The following CETN3 variants were observed in gnomAD, a reference collection of about 807,000 sequenced individuals.
CETN3 encodes the protein centrin 3.
A neutral mutation model predicts 20.1 loss-of-function variants in CETN3; 17 were observed. That is an observed-to-expected ratio of 0.85 (90% CI 0.58 to 1.27). The LOEUF (loss-of-function observed/expected upper bound fraction) is 1.27, where lower values mean the gene tolerates loss of function less well. Among genes scored for constraint, CETN3 ranks in the 50% most tolerant of loss-of-function variants. CETN3 has a pLI of 0.00. For missense variants in CETN3, 169 were observed against 191.2 expected (o/e 0.88, Z 0.69); for synonymous variants, 52 against 59.7 (o/e 0.87, Z 0.59).
chr5:90,409,689 C>T lies in CETN3; in HGVS notation c.-28G>A, dbSNP rs1749576308. 3 of 1,614,112 alleles carry T rather than the reference C, an allele frequency of 1.9e-6. No homozygotes were observed. In the East Asian group the frequency reaches 6.7e-5, roughly 36 times the overall value. On this transcript the variant is annotated 5_prime_UTR_variant, in exon 1 of 5. Transcript: ENST00000283122. ...TCTCTTCGCACAGAGACGTTCCTCT[C>T]AAGAACGATTTTAACCCCCTACCCA...
At chr5:90,397,124 G>A (rs1190029108) in intron 4 of CETN3, among the ~76,000 whole-genome samples, 1 of 152,018 alleles carries the variant, frequency 6.6e-6, no homozygotes, top group Non-Finnish European at 1.5e-5. Context: ...AATCCCCTGT[G>A]CTTATCAAGG....
intron 1 of CETN3, among the ~76,000 whole-genome samples, chr5:90,408,692 C>T (rs935583510): frequency 6.6e-6 from 1 of 150,946 alleles, no homozygotes; most frequent in Middle Eastern, 3.4e-3. Flanking sequence ...ACTGGAATAA[C>T]GAGTTTTGAA....
At chr5:90,408,262 C>T (rs976504427) in intron 1 of CETN3, among the ~76,000 whole-genome samples, 1 of 152,036 alleles carries the variant, frequency 6.6e-6, no homozygotes, top group African/African-American at 2.4e-5. Flanking sequence ...AACTGACAAT[C>T]ACTATATATC....
intron 2 of CETN3, among the ~76,000 whole-genome samples, 163 bp downstream of exon 2, chr5:90,407,536 T>G (rs1749482701): frequency 6.6e-6 from 1 of 152,112 alleles, no homozygotes; most frequent in Non-Finnish European, 1.5e-5. Context: ...TGTTAGGAGT[T>G]CTCTTCAGTT....
chr5:90,408,003 T>C (rs1171030357), intron 1 of CETN3, among the ~76,000 whole-genome samples, 169 bp from the exon 2 acceptor site: 1 of 152,170 alleles, frequency 6.6e-6, no homozygotes, highest in Non-Finnish European at 1.5e-5. Flanking sequence ...TAAATTGCTA[T>C]AAATCTGAAC....
chr5:90,405,781 C>G lies in CETN3; in HGVS notation c.172G>C (p.Gly58Arg). The G allele has an allele frequency of 6.2e-7, 1 of 1,609,398 alleles. No homozygotes were observed. Among genetic ancestry groups the G allele is most frequent in the Non-Finnish European group, 8.5e-7 (1 of 1,178,016 alleles). ...ACATCAGCTTTTTTTACATCAAACC[C>G]CAAGGCTCTCATTGCCACCTTTTGG... ...HELKVAMRAL[G>R]FDVKKADVLK... The change falls in exon 3 of 5, where the codon GGG becomes CGG. Residue 58 changes from glycine (G) to arginine (R), a missense_variant. By Grantham distance (125) the Gly-to-Arg change is moderately radical. Coordinates refer to ENST00000283122, the MANE Select transcript of CETN3 (RefSeq NM_004365.4).
intron 4 of CETN3, among the ~76,000 whole-genome samples, chr5:90,398,207 T>G (rs1443402989): frequency 6.6e-6 from 1 of 152,028 alleles, no homozygotes; most frequent in African/African-American, 2.4e-5. Flanking sequence ...TCTTAGATAC[T>G]GAAAAGCATG....
intron 4 of CETN3, chr5:90,395,740 G>T: frequency 6.0e-6 from 2 of 333,166 alleles, no homozygotes; most frequent in Non-Finnish European, 8.6e-6. Flanking sequence ...ACTAAATCTA[G>T]GCAGAAGGTA....
At chr5:90,396,891 G>A (rs1194043525) in intron 4 of CETN3, among the ~76,000 whole-genome samples, 1 of 151,570 alleles carries the variant, frequency 6.6e-6, no homozygotes, top group Non-Finnish European at 1.5e-5. Context: ...TCAACCAACT[G>A]CAGATGAAAA....
At chr5:90,401,963 C>T (rs1749302329) in intron 3 of CETN3, among the ~76,000 whole-genome samples, 1 of 152,176 alleles carries the variant, frequency 6.6e-6, no homozygotes, top group Admixed American at 6.5e-5. Flanking sequence ...ATCTTCCCAC[C>T]TCAACCTCCA....
At chr5:90,396,421 A>C (rs1749137055) in intron 4 of CETN3, 1 of 1,488,398 alleles carries the variant, frequency 6.7e-7, no homozygotes, top group South Asian at 1.3e-5. Context: ...TAGGAAAGCT[A>C]TGATCCCTCT....
intron 3 of CETN3, among the ~76,000 whole-genome samples, chr5:90,404,920 T>C (rs1749395099): frequency 6.6e-6 from 1 of 152,014 alleles, no homozygotes; most frequent in African/African-American, 2.4e-5. Context: ...GTAGATAATA[T>C]TCTAGACAAT....
chr5:90,399,440 A>G lies in CETN3; in HGVS notation c.378T>C (p.Val126=), dbSNP rs748868076. 6 of 1,614,044 alleles carry G rather than the reference A, an allele frequency of 3.7e-6. No individual in the cohort carries two copies. The South Asian group carries it at 6.6e-5, about 18-fold the overall frequency. ...TCATGTTTTCACCCAATTCTCTAGC[A>G]ACACGTCGCAAATTCCTCAAGCTTA... ...GKISLRNLRR[V]ARELGENMSD... Residue 126 remains valine, a synonymous_variant, in exon 4 of 5, where the codon GTT becomes GTC. Coordinates refer to ENST00000283122, the MANE Select transcript of CETN3 (RefSeq NM_004365.4).
intron 3 of CETN3, among the ~76,000 whole-genome samples, chr5:90,402,356 C>CAAG (rs1423984521): frequency 6.6e-6 from 1 of 152,146 alleles, no homozygotes; most frequent in African/African-American, 2.4e-5. Flanking sequence ...TCATGTTTTG[C>CAAG]AAGACTTTAC....
intron 4 of CETN3, among the ~76,000 whole-genome samples, chr5:90,398,374 A>G (rs1749186107): frequency 2.6e-5 from 4 of 152,180 alleles, no homozygotes; most frequent in Non-Finnish European, 5.9e-5. Context: ...GTATCAAAAC[A>G]ATTTGTTTCT....
intron 3 of CETN3, among the ~76,000 whole-genome samples, chr5:90,401,191 C>CT (rs2151882858): frequency 6.6e-6 from 1 of 152,202 alleles, no homozygotes; most frequent in Admixed American, 6.5e-5. Context: ...TCTATATATT[C>CT]TTTTATCAAT....
At chr5:90,399,024 A>G in intron 4 of CETN3, 1 of 447,652 alleles carries the variant, frequency 2.2e-6, no homozygotes, top group Non-Finnish European at 4.0e-6. Context: ...ACAAAGATAA[A>G]AACAGATTCA....
chr5:90,404,977 T>C (rs1246943089), intron 3 of CETN3, among the ~76,000 whole-genome samples: 5 of 152,188 alleles, frequency 3.3e-5, no homozygotes, highest in Non-Finnish European at 7.3e-5. Context: ...GACTCTTCTA[T>C]TTTGAAAAAG....
Position 90,394,057 on chromosome 5 carries a change from T to G in CETN3, c.*7A>C. The G allele has an allele frequency of 6.5e-7, 1 of 1,531,102 alleles. No homozygotes were observed. The highest frequency in any genetic ancestry group is 9.0e-7 in the Non-Finnish European group (1 of 1,113,208). The allele number at this position is 1,531,102 out of a possible 1,614,324, so 94.8% of individuals were successfully genotyped here. A position where few individuals can be genotyped will look rare whatever the true frequency, so the allele number is the denominator to read the frequency against. On this transcript the variant is annotated 3_prime_UTR_variant, in exon 5 of 5. Coordinates refer to ENST00000283122, the MANE Select transcript of CETN3 (RefSeq NM_004365.4). ...GCAACATTCTTAGTGTTTATCCTTG[T>G]AATTCTTTAAATGTCACCAGTCATA... is the stretch of plus-strand genomic sequence containing the variant.
Sources: gnomAD v4.1 joint callset for allele counts (sites outside exome capture counted in the v4.1 genomes callset) on GRCh38, gnomAD v4.1.1 for gene constraint, MANE v1.5 for transcripts, NCBI Gene and HGNC (gene_info 2026-07-23, HGNC 2026-07-21) for gene names.